ABCA13: variants seen among roughly 807,000 people sequenced by gnomAD.
ABCA13 encodes ATP binding cassette subfamily A member 13, also known as ATP-binding cassette sub-family A member 13.
ABCA13 carries 476 observed loss-of-function variants against 478.7 expected under a neutral mutation model. The ratio of observed to expected loss-of-function variants is 0.99; its 90% CI spans 0.92 to 1.07. ABCA13 has a LOEUF of 1.07. Ranked by LOEUF, ABCA13 falls within the 50% of genes least tolerant of loss-of-function variation. ABCA13 has a pLI of 0.00. For missense variants in ABCA13, 6,060 were observed against 5,910.6 expected (o/e 1.03, Z -0.83); for synonymous variants, 2,252 against 2,158.9 (o/e 1.04, Z -1.20).
intron 55 of ABCA13, among the ~76,000 whole-genome samples, chr7:48,538,099 CCTT>C (rs1563409495): frequency 8.3e-6 from 1 of 120,010 alleles, no homozygotes; most frequent in African/African-American, 3.3e-5. Context: ...TTCTTTCTTT[CCTT>C]TTTTTTTTTT....
chr7:48,405,444 C>A (rs1031147077), intron 39 of ABCA13, among the ~76,000 whole-genome samples: 2 of 152,236 alleles, frequency 1.3e-5, no homozygotes, highest in Non-Finnish European at 2.9e-5. Context: ...ACCTAAGTGT[C>A]TCTTGGGGAA....
chr7:48,361,237 A>G (rs919810985), intron 31 of ABCA13, among the ~76,000 whole-genome samples: 2 of 151,956 alleles, frequency 1.3e-5, no homozygotes, highest in Admixed American at 1.3e-4. Context: ...TTGGTGATAC[A>G]TAATACATAA....
intron 1 of ABCA13, among the ~76,000 whole-genome samples, chr7:48,175,410 G>A (rs947074025): frequency 6.6e-6 from 1 of 151,996 alleles, no homozygotes; most frequent in Non-Finnish European, 1.5e-5. Context: ...GCAATTTGAA[G>A]CTATATGATA....
At chr7:48,407,707 C>T (rs1327844897) in intron 39 of ABCA13, among the ~76,000 whole-genome samples, 1 of 151,834 alleles carries the variant, frequency 6.6e-6, no homozygotes, top group Non-Finnish European at 1.5e-5. Context: ...CAGGTGTGCA[C>T]CACCAAGCCC....
At chr7:48,515,590 A>T (rs539435067) in intron 51 of ABCA13, among the ~76,000 whole-genome samples, 1 of 152,094 alleles carries the variant, frequency 6.6e-6, no homozygotes, top group African/African-American at 2.4e-5. Flanking sequence ...ATGTTCATCT[A>T]CTTATCACCT....
At chr7:48,226,241 G>T (rs188558241) in intron 5 of ABCA13, among the ~76,000 whole-genome samples, 8 of 152,126 alleles carry the variant, frequency 5.3e-5, no homozygotes, top group African/African-American at 1.9e-4. Flanking sequence ...GGGGATTTGA[G>T]GATCATTAGA....
chr7:48,236,541 A>G (rs1216703244), intron 8 of ABCA13, among the ~76,000 whole-genome samples: 1 of 152,116 alleles, frequency 6.6e-6, no homozygotes, highest in East Asian at 1.9e-4. Flanking sequence ...GTGGCCATCC[A>G]CATTCCTTGG....
At chr7:48,425,894 A>C (rs1821351669) in intron 41 of ABCA13, among the ~76,000 whole-genome samples, 1 of 151,724 alleles carries the variant, frequency 6.6e-6, no homozygotes, top group Admixed American at 6.6e-5. Flanking sequence ...GGCGCCCGCC[A>C]CCTCGCCCGG....
At position 48,273,240 on chromosome 7, in the gene ABCA13, G is replaced by A. The variant is rs368935228; in HGVS notation, c.3574G>A (p.Val1192Ile). ...LLDELEDDVK[V>I]SKSCQGILPT... ...GGATGAATTGGAAGATGATGTGAAA[G>A]TCTCTAAAAGCTGCCAGGGTATACT... is the stretch of plus-strand genomic sequence containing the variant. The change falls in exon 17 of 62, where the codon GTC becomes ATC. Residue 1192 changes from valine (V) to isoleucine (I), a missense_variant. This residue lies in a region of ABCA13 where 4,423 missense variants were observed against 4,309.1 expected (regional missense o/e 1.03). Transcript: ENST00000435803. 82 of 1,613,562 alleles carry A rather than the reference G, an allele frequency of 5.1e-5. 2 individuals carry two copies. In the African/African-American group the frequency reaches 9.5e-4, roughly 19 times the overall value.
chr7:48,335,304 G>T (rs1806075489), intron 27 of ABCA13, 118 bp from the exon 28 acceptor site: 2 of 619,664 alleles, frequency 3.2e-6, no homozygotes, highest in East Asian at 3.1e-5. Flanking sequence ...GAAGGCATTA[G>T]CTGGCCTGCA....
At chr7:48,307,310 A>G (rs1298976588) in intron 23 of ABCA13, among the ~76,000 whole-genome samples, 1 of 152,234 alleles carries the variant, frequency 6.6e-6, no homozygotes, top group Non-Finnish European at 1.5e-5. Flanking sequence ...ACAGCAGGTT[A>G]CTCTACTGAA....
chr7:48,273,951 A>G lies in ABCA13; in HGVS notation c.4285A>G (p.Asn1429Asp), dbSNP rs896730552. Residue 1429 changes from asparagine to aspartate, a missense_variant, in exon 17 of 62, where the codon AAC becomes GAC. By Grantham distance (23) the Asn-to-Asp change is conservative. This residue lies in a region of ABCA13 where 4,423 missense variants were observed against 4,309.1 expected (regional missense o/e 1.03). Transcript: ENST00000435803. ...TTTGGGGAATTTCAGAGATATAGAA[A>G]ACAAAATGAACTCTATATTAAAAAT... ...NILGNFRDIENKMNSILKIVT... is the reference protein window; with the variant it reads ...NILGNFRDIEDKMNSILKIVT... 2 of 1,610,814 alleles carry G rather than the reference A, an allele frequency of 1.2e-6. No homozygotes were observed. The highest frequency in any genetic ancestry group is 2.7e-5 in the African/African-American group (2 of 74,806).
chr7:48,221,911 C>T (rs1262587299), intron 5 of ABCA13, among the ~76,000 whole-genome samples: 1 of 152,110 alleles, frequency 6.6e-6, no homozygotes, highest in African/African-American at 2.4e-5. Flanking sequence ...AAGGTGCAAC[C>T]CTGACAATAT....
chr7:48,261,371 C>T (rs1017570628), intron 15 of ABCA13, among the ~76,000 whole-genome samples: 12 of 151,862 alleles, frequency 7.9e-5, no homozygotes, highest in Middle Eastern at 3.4e-3. Context: ...TCCAAATATT[C>T]TGAGATTGTA....
chr7:48,357,909 C>T (rs1006023387), intron 31 of ABCA13, among the ~76,000 whole-genome samples: 9 of 151,478 alleles, frequency 5.9e-5, no homozygotes, highest in South Asian at 4.2e-4. Flanking sequence ...TTTGGGAGGC[C>T]GAGGCGGGCA....
At chr7:48,286,088 C>A (rs1333734251) in intron 19 of ABCA13, among the ~76,000 whole-genome samples, 1 of 152,128 alleles carries the variant, frequency 6.6e-6, no homozygotes, top group Non-Finnish European at 1.5e-5. Context: ...ATGGAAGGTG[C>A]AGGGATTTCC....
Position 48,387,880 on chromosome 7 carries a change from T to C in ABCA13, c.11394T>C (p.Ser3798=). Residue 3798 remains serine (S), a synonymous_variant, in exon 36 of 62, where the codon AGT becomes AGC. Transcript: ENST00000435803. The part of the protein sequence containing the change: ...YFPFTASYWK[S]VGFLVEKRQY... The stretch of plus-strand genomic sequence containing the variant: ...CCTTTACTGCCTCATATTGGAAGAG[T>C]GTGGGTTTCTTGGTGGAGAAAAGGC... 1.9e-6 allele frequency: 3 copies of C among 1,612,424 alleles called. No individual in the cohort carries two copies. Among genetic ancestry groups the C allele is most frequent in the Non-Finnish European group, 2.5e-6 (3 of 1,179,216 alleles).
chr7:48,582,641 C>T lies in ABCA13; in HGVS notation c.14505+2267C>T, dbSNP rs10264229. Among the ~76,000 whole-genome samples, 835 of 152,228 alleles carry T rather than the reference C, an allele frequency of 5.5e-3. 8 individuals are homozygous for T. The highest frequency in any genetic ancestry group is 0.019 in the African/African-American group (797 of 41,538). On this transcript the variant is annotated intron_variant, in intron 56 of 61. Coordinates refer to ENST00000435803, the MANE Select transcript of ABCA13 (RefSeq NM_152701.5). ...CTCCTTTGTTCAGCCTTACAGTCCCCTCTCCTCCCTCCCGGGGACCCTCAG... is the reference window on the plus strand; with the variant it reads ...CTCCTTTGTTCAGCCTTACAGTCCCTTCTCCTCCCTCCCGGGGACCCTCAG...
chr7:48,336,940 G>A (rs886114499), intron 28 of ABCA13, among the ~76,000 whole-genome samples: 8 of 152,292 alleles, frequency 5.3e-5, no homozygotes, highest in African/African-American at 1.9e-4. Flanking sequence ...AGTCGAGAAT[G>A]TACAAATATC....
Sources: gnomAD v4.1 joint callset for allele counts (sites outside exome capture counted in the v4.1 genomes callset) on GRCh38, gnomAD v4.1.1 for gene constraint, gnomAD v4.1.1 regional missense constraint, MANE v1.5 for transcripts, NCBI Gene and HGNC (gene_info 2026-07-23, HGNC 2026-07-21) for gene names.